Variants in ADSS1 observed in about 807,000 individuals in gnomAD.
ADSS1 encodes the protein adenylosuccinate synthase 1.
ADSS1 carries 57 observed loss-of-function variants against 59.1 expected under a neutral mutation model. The observed-to-expected ratio is 0.97, with a 90% CI of 0.78 to 1.20. ADSS1 has a LOEUF of 1.20. ADSS1 is among the 50% of genes most tolerant of loss of function. The pLI is 0.00. For missense variants in ADSS1, 603 were observed against 610.3 expected (o/e 0.99, Z 0.13); for synonymous variants, 247 against 249.4 (o/e 0.99, Z 0.09).
chr14:104,732,715 C>A (rs1890973955), intron 1 of ADSS1, among the ~76,000 whole-genome samples: 2 of 152,224 alleles, frequency 1.3e-5, no homozygotes, highest in South Asian at 4.1e-4. Flanking sequence ...CGACGCCTGC[C>A]CCCCCGCCCA....
intron 12 of ADSS1, among the ~76,000 whole-genome samples, chr14:104,746,597 C>T (rs1205632740): frequency 6.6e-6 from 1 of 152,222 alleles, no homozygotes; most frequent in Non-Finnish European, 1.5e-5. Flanking sequence ...CCCTGCCTCT[C>T]CGCATCCAGA....
At chr14:104,745,618 G>A (rs1891526436) in intron 11 of ADSS1, 1 of 152,722 alleles carries the variant, frequency 6.5e-6, no homozygotes, top group East Asian at 1.9e-4. Context: ...GTCCTTGCAG[G>A]CGGTGTCCCT....
At chr14:104,730,232 A>G (rs1238846549) in intron 1 of ADSS1, 1 of 1,478,558 alleles carries the variant, frequency 6.8e-7, no homozygotes, top group Non-Finnish European at 9.1e-7. Context: ...GGTGGCGTAC[A>G]TCTGTAACTC....
At chr14:104,736,859 G>A (rs1187494040) in intron 2 of ADSS1, among the ~76,000 whole-genome samples, 1 of 137,934 alleles carries the variant, frequency 7.2e-6, no homozygotes, top group Non-Finnish European at 1.5e-5. Flanking sequence ...AGGACTACAG[G>A]CTTATGCCAC....
intron 1 of ADSS1, among the ~76,000 whole-genome samples, chr14:104,729,514 G>A (rs1228556972): frequency 6.7e-6 from 1 of 149,736 alleles, no homozygotes; most frequent in Non-Finnish European, 1.5e-5. Flanking sequence ...CGGCGTGGGG[G>A]AGGAGCGTGG....
Position 104,741,893 on chromosome 14 carries a change from T to A in ADSS1, c.839T>A (p.Val280Glu), listed in dbSNP as rs1214371912. 6.2e-7 allele frequency: 1 copy of A among 1,613,442 alleles called. No homozygotes were observed. Among genetic ancestry groups the A allele is most frequent in the East Asian group, 2.2e-5 (1 of 44,874 alleles). ...VTSSNCTVGGVCTGLGIPPQN... is the reference protein window; with the variant it reads ...VTSSNCTVGGECTGLGIPPQN... ...TCATCCAACTGCACCGTGGGCGGTG[T>A]GTGCACGGGCCTGGGCATCCCCCCG... Residue 280 changes from valine to glutamate, a missense_variant, in exon 9 of 13, where the codon GTG becomes GAG. Coordinates refer to ENST00000330877, the MANE Select transcript of ADSS1 (RefSeq NM_152328.5).
intron 1 of ADSS1, among the ~76,000 whole-genome samples, chr14:104,728,095 G>C (rs983140527): frequency 3.9e-5 from 6 of 152,224 alleles, no homozygotes; most frequent in African/African-American, 1.4e-4. Flanking sequence ...GCAGCGCCAG[G>C]TGGGAGCTGG....
At chr14:104,730,467 G>C (rs916264353) in intron 1 of ADSS1, among the ~76,000 whole-genome samples, 2 of 152,142 alleles carry the variant, frequency 1.3e-5, no homozygotes, top group Non-Finnish European at 2.9e-5. Flanking sequence ...TCCAACCTGG[G>C]CGACAGAGTG....
In ADSS1 at chr14:104,744,775, A is replaced by G; in HGVS notation, c.1074-37A>G. 3 of 1,603,164 alleles carry G rather than the reference A, an allele frequency of 1.9e-6. No homozygotes were observed. The South Asian group carries it at 3.3e-5, about 18-fold the overall frequency. Reference sequence around the variant, plus strand: ...GGAAGAAACCCCAGCACTGCTGACCACTTCTTGGGTTTGCCCGGCCCCTTG... The same window carrying G: ...GGAAGAAACCCCAGCACTGCTGACCGCTTCTTGGGTTTGCCCGGCCCCTTG... On this transcript the variant is annotated intron_variant, in intron 10 of 12. Transcript: ENST00000330877.
chr14:104,746,111 C>T, intron 11 of ADSS1, 125 bp from the exon 12 acceptor site: 3 of 1,316,706 alleles, frequency 2.3e-6, no homozygotes, highest in African/African-American at 1.5e-5. Flanking sequence ...CCACTTGCTG[C>T]CTTCCTTGCA....
chr14:104,734,912 C>G (rs1891060131), intron 1 of ADSS1, 108 bp from the exon 2 acceptor site: 8 of 912,046 alleles, frequency 8.8e-6, no homozygotes, highest in Non-Finnish European at 1.2e-5. Context: ...ACCCCAAAAT[C>G]CAACAGCAGT....
Position 104,739,390 on chromosome 14 carries a change from A to C in ADSS1, c.409+12A>C. 1 of 1,599,922 alleles carries C rather than the reference A, an allele frequency of 6.3e-7. No individual in the cohort carries two copies. On this transcript the variant is annotated intron_variant, in intron 4 of 12. Transcript: ENST00000330877. ...CAGAGCCCACCTTGGTACGTTTCCC[A>C]CTGGAGTACAGGGAACAGCCCCTCC...
In ADSS1 at chr14:104,743,071, T is replaced by C. The variant is rs371300726; in HGVS notation, c.953T>C (p.Ile318Thr). ...GTCCTCCCTGTTCTCATGTAGGAGA[T>C]TGGAGGCCTGCTGCAGACCCGCGGC... ...GAFPTEQINEIGGLLQTRGHE... is the reference protein window; with the variant it reads ...GAFPTEQINETGGLLQTRGHE... Residue 318 changes from isoleucine (I) to threonine (T), a missense_variant, in exon 10 of 13, where the codon ATT (isoleucine) becomes ACT (threonine). Transcript: ENST00000330877. 8 of 1,612,760 alleles carry C rather than the reference T, an allele frequency of 5.0e-6. No homozygotes were observed. The highest frequency in any genetic ancestry group is 4.0e-5 in the African/African-American group (3 of 74,880).
chr14:104,742,623 A>T (rs1891406517), intron 9 of ADSS1, among the ~76,000 whole-genome samples: 1 of 152,220 alleles, frequency 6.6e-6, no homozygotes, highest in African/African-American at 2.4e-5. Flanking sequence ...GGGAAAGCCA[A>T]CACGGGGAGG....
intron 2 of ADSS1, chr14:104,737,485 A>C (rs1213813600): frequency 1.3e-5 from 2 of 152,104 alleles, no homozygotes; most frequent in Non-Finnish European, 2.9e-5. Flanking sequence ...CCTTTTGTTT[A>C]CTGATGGGCC....
At position 104,747,053 on chromosome 14, in the gene ADSS1, T is replaced by G; in HGVS notation, c.*50T>G. 1 of 1,550,444 alleles carries G rather than the reference T, an allele frequency of 6.4e-7. No homozygotes were observed. The highest frequency in any genetic ancestry group is 8.9e-7 in the Non-Finnish European group (1 of 1,129,810). On this transcript the variant is annotated 3_prime_UTR_variant, in exon 13 of 13. Coordinates refer to ENST00000330877, the MANE Select transcript of ADSS1 (RefSeq NM_152328.5). ...GGCCCTGGCAGCGTCTGGACTTGTG[T>G]AAACAGCAGCAGTCACGTTCCTCGG...
intron 1 of ADSS1, among the ~76,000 whole-genome samples, chr14:104,731,380 C>G (rs1338336545): frequency 6.6e-6 from 1 of 152,224 alleles, no homozygotes; most frequent in African/African-American, 2.4e-5. Flanking sequence ...ACATGGGTGA[C>G]TGTCCATGGC....
intron 2 of ADSS1, chr14:104,737,207 A>C (rs992010751): frequency 4.6e-5 from 7 of 151,934 alleles, no homozygotes; most frequent in African/African-American, 1.7e-4. Context: ...AGAATTTTTT[A>C]CTGTCCTAAA....
At chr14:104,742,953 G>A (rs1396160013) in intron 9 of ADSS1, 114 bp from the exon 10 acceptor site, 22 of 1,491,942 alleles carry the variant, frequency 1.5e-5, no homozygotes, top group Middle Eastern at 2.2e-4. Flanking sequence ...CGGTGGAGGC[G>A]GGGCACCCTC....
Sources: gnomAD v4.1 joint callset for allele counts (sites outside exome capture counted in the v4.1 genomes callset) on GRCh38, gnomAD v4.1.1 for gene constraint, MANE v1.5 for transcripts, NCBI Gene and HGNC (gene_info 2026-07-23, HGNC 2026-07-21) for gene names.